Variants in PTPN22 observed in about 807,000 individuals in gnomAD.
PTPN22 encodes the protein tyrosine-protein phosphatase non-receptor type 22.
PTPN22 carries 85 observed loss-of-function variants against 103.3 expected under a neutral mutation model. The observed-to-expected ratio is 0.82, with a 90% CI of 0.69 to 0.99. The LOEUF (loss-of-function observed/expected upper bound fraction) is 0.99. PTPN22 is among the 50% of genes least tolerant of loss of function. The pLI, the probability that PTPN22 is intolerant of heterozygous loss-of-function variation, is 0.00. For missense variants in PTPN22, 865 were observed against 936.9 expected, an observed-to-expected ratio of 0.92 and a Z score of 1.00; for synonymous variants, 323 against 310.2, an observed-to-expected ratio of 1.04 and a Z score of -0.43.
intron 1 of PTPN22, among the ~76,000 whole-genome samples, chr1:113,862,996 G>A (rs1486583826): frequency 6.6e-6 from 1 of 152,198 alleles, no homozygotes; most frequent in African/African-American, 2.4e-5. Flanking sequence ...AAATGGGTAG[G>A]TGGGTAGGCA....
intron 3 of PTPN22, 54 bp downstream of exon 3, chr1:113,858,948 C>G (rs1665324150): frequency 6.3e-7 from 1 of 1,581,994 alleles, no homozygotes; most frequent in African/African-American, 1.3e-5. Flanking sequence ...CAGCCCTCCC[C>G]TTTTTTTGGG....
At chr1:113,849,259 A>G (rs1323439059) in intron 10 of PTPN22, among the ~76,000 whole-genome samples, 1 of 152,256 alleles carries the variant, frequency 6.6e-6, no homozygotes, top group Non-Finnish European at 1.5e-5. Context: ...TACCAAAAAA[A>G]AGTAAACCAC....
intron 1 of PTPN22, chr1:113,864,259 T>C: frequency 2.2e-6 from 1 of 453,732 alleles, no homozygotes; most frequent in Non-Finnish European, 4.4e-6. Flanking sequence ...GTGTGGTGGC[T>C]CATGGTTGTA....
At chr1:113,842,718 C>T (rs1359339685) in intron 11 of PTPN22, among the ~76,000 whole-genome samples, 7 of 151,910 alleles carry the variant, frequency 4.6e-5, no homozygotes, top group Non-Finnish European at 8.8e-5. Context: ...AAGTGTTGGC[C>T]AGGATGTAGA....
chr1:113,824,111 T>C (rs1273049823), intron 19 of PTPN22, among the ~76,000 whole-genome samples: 1 of 151,916 alleles, frequency 6.6e-6, no homozygotes, highest in African/African-American at 2.4e-5. Flanking sequence ...TGGTTCTTTT[T>C]TTTTTTTTGA....
Position 113,856,823 on chromosome 1 carries a change from G to A in PTPN22, c.409-204C>T. On this transcript the variant is annotated intron_variant, in intron 5 of 20. Coordinates refer to ENST00000359785, the Ensembl canonical transcript of PTPN22. The stretch of plus-strand genomic sequence containing the variant: ...GATATATAAATTACAGACTTCCTGG[G>A]AGTCTGAAAAAGTAGAAATAGAAAT... The A allele has an allele frequency of 6.9e-6, 4 of 577,854 alleles. 1 individual carries two copies. In the South Asian group the frequency reaches 1.1e-4, roughly 16 times the overall value. The allele number at this position is 577,854 out of a possible 1,614,324, so 35.8% of individuals were successfully genotyped here. A position where few individuals can be genotyped will look rare whatever the true frequency, so the allele number is the denominator to read the frequency against.
At chr1:113,828,241 A>T (rs994464517) in intron 18 of PTPN22, among the ~76,000 whole-genome samples, 2 of 151,676 alleles carry the variant, frequency 1.3e-5, no homozygotes, top group Non-Finnish European at 1.5e-5. Flanking sequence ...CCATGCATAC[A>T]TTTTCTCTTT....
At chr1:113,826,155 T>G (rs10858021) in intron 18 of PTPN22, among the ~76,000 whole-genome samples, 35,274 of 151,910 alleles carry the variant, frequency 0.23, 5,025 homozygotes, top group East Asian at 0.61. Flanking sequence ...AAGACCAGAC[T>G]GGGCAACATG....
At chr1:113,814,767 T>C in exon 21 of PTPN22, 1 of 716,064 alleles carries the variant, frequency 1.4e-6, no homozygotes, top group Non-Finnish European at 2.3e-6. Flanking sequence ...TTGCTTTTCT[T>C]TTAAAAGCTA....
At chr1:113,851,484 T>G (rs1350838751) in intron 10 of PTPN22, among the ~76,000 whole-genome samples, 1 of 152,096 alleles carries the variant, frequency 6.6e-6, no homozygotes, top group African/African-American at 2.4e-5. Context: ...TAAGTATGCA[T>G]GCAATAAGAA....
chr1:113,850,497 T>C (rs1196642713), intron 10 of PTPN22, among the ~76,000 whole-genome samples: 2 of 152,230 alleles, frequency 1.3e-5, no homozygotes, highest in South Asian at 4.1e-4. Flanking sequence ...TAAATTAGTA[T>C]TGCTATTTAT....
intron 1 of PTPN22, among the ~76,000 whole-genome samples, chr1:113,864,030 C>T (rs1461638417): frequency 6.6e-6 from 1 of 151,292 alleles, no homozygotes; most frequent in Non-Finnish European, 1.5e-5. Context: ...ACTCGGGAGG[C>T]TGAGATAGGA....
chr1:113,854,194 C>T (rs1217410), intron 9 of PTPN22, among the ~76,000 whole-genome samples: 116,696 of 152,020 alleles, frequency 0.77, 45,717 homozygotes, highest in African/African-American at 0.9. Context: ...CATTCAAAAC[C>T]GAAAAGAGGT....
rs1664297038 is a variant in PTPN22 at position 113,848,584 on chromosome 1, TA to T, written c.870del (p.Phe290LeufsTer49). 6.2e-7 allele frequency: 1 copy of T among 1,613,514 alleles called. No homozygotes were observed. Among genetic ancestry groups the T allele is most frequent in the Non-Finnish European group, 8.5e-7 (1 of 1,179,926 alleles). On this transcript the variant is annotated frameshift_variant, in exon 11 of 21. Coordinates refer to ENST00000359785, the Ensembl canonical transcript of PTPN22. LOFTEE classifies it high-confidence loss of function. ...TCTCTGATAACATCCATCTGTCTCT[TA>T]AATAGTTCTAATACAGCATTGTAGA...
At chr1:113,839,095 A>C (rs1317418889) in intron 11 of PTPN22, among the ~76,000 whole-genome samples, 1 of 152,072 alleles carries the variant, frequency 6.6e-6, no homozygotes, top group South Asian at 2.1e-4. Context: ...TACACTTACT[A>C]TTCCCCCTGA....
At chr1:113,842,005 G>A (rs1663594143) in intron 11 of PTPN22, among the ~76,000 whole-genome samples, 1 of 151,842 alleles carries the variant, frequency 6.6e-6, no homozygotes, top group African/African-American at 2.4e-5. Context: ...AGGAGTTCAA[G>A]ACTAGCCTGG....
intron 15 of PTPN22, 142 bp downstream of exon 15, chr1:113,834,167 T>G: frequency 1.1e-6 from 1 of 917,586 alleles, no homozygotes; most frequent in Non-Finnish European, 1.6e-6. Context: ...TTATACATCC[T>G]TTTTATCCCA....
At chr1:113,864,306 C>G (rs1320560407) in intron 1 of PTPN22, 1 of 445,974 alleles carries the variant, frequency 2.2e-6, no homozygotes, top group Non-Finnish European at 4.5e-6. Context: ...TGGAGGATCA[C>G]TTGAGTCCAG....
chr1:113,831,606 C>A (rs1017122470), intron 16 of PTPN22, among the ~76,000 whole-genome samples: 2 of 152,150 alleles, frequency 1.3e-5, no homozygotes, highest in African/African-American at 4.8e-5. Context: ...CCATACACAT[C>A]ATGCTCATTT....
Sources: gnomAD v4.1 joint callset for allele counts (sites outside exome capture counted in the v4.1 genomes callset) on GRCh38, gnomAD v4.1.1 for gene constraint, MANE v1.5 for transcripts, NCBI Gene and HGNC (gene_info 2026-07-23, HGNC 2026-07-21) for gene names.